The following SLC24A2 variants were observed in gnomAD, a reference collection of about 807,000 sequenced individuals.
SLC24A2 encodes solute carrier family 24 member 2.
A neutral mutation model predicts 62.0 loss-of-function variants in SLC24A2; 36 were observed. The observed-to-expected ratio is 0.58, with a 90% CI of 0.44 to 0.77. SLC24A2 has a LOEUF of 0.77. Ranked by LOEUF, SLC24A2 falls within the 30% of genes least tolerant of loss-of-function variation. The pLI is 0.00. For missense variants in SLC24A2, 846 were observed against 817.9 expected (o/e 1.03, Z -0.42); for synonymous variants, 358 against 294.0 (o/e 1.22, Z -2.23).
chr9:20,089,077 T>G, the SLC24A2 span, among the ~76,000 whole-genome samples: 1 of 152,070 alleles, frequency 6.6e-6, no homozygotes, highest in African/African-American at 2.4e-5. Flanking sequence ...ATTGAGCTAG[T>G]AGCAGCTCTG....
At chr9:20,161,199 AG>A in the SLC24A2 span, among the ~76,000 whole-genome samples, 1 of 151,476 alleles carries the variant, frequency 6.6e-6, no homozygotes, top group African/African-American at 2.4e-5. Flanking sequence ...AAGAGACAAG[AG>A]GCTTTAAATG....
chr9:20,108,142 A>G, the SLC24A2 span, among the ~76,000 whole-genome samples: 1 of 152,254 alleles, frequency 6.6e-6, no homozygotes, highest in African/African-American at 2.4e-5. Context: ...ATCAAACCAC[A>G]ATGAGATACC....
chr9:19,898,524 C>T, the SLC24A2 span, among the ~76,000 whole-genome samples: 10 of 152,100 alleles, frequency 6.6e-5, no homozygotes, highest in East Asian at 3.9e-4. Flanking sequence ...GGGTGGATCA[C>T]GAGGTCAGGA....
At chr9:19,914,492 A>G in the SLC24A2 span, among the ~76,000 whole-genome samples, 2 of 152,104 alleles carry the variant, frequency 1.3e-5, no homozygotes, top group Non-Finnish European at 2.9e-5. Flanking sequence ...GAGTTTGCTC[A>G]TTTTTAATAA....
chr9:20,014,913 A>T, the SLC24A2 span, among the ~76,000 whole-genome samples: 1 of 152,238 alleles, frequency 6.6e-6, no homozygotes, highest in Non-Finnish European at 1.5e-5. Flanking sequence ...ATACGTAAGT[A>T]TGGTGATAGA....
chr9:20,062,165 G>GTT, the SLC24A2 span, among the ~76,000 whole-genome samples: 2 of 152,124 alleles, frequency 1.3e-5, no homozygotes, highest in Non-Finnish European at 2.9e-5. Context: ...AAAGTCCAAG[G>GTT]TAGCAGTGAG....
the SLC24A2 span, chr9:19,957,522 T>C: frequency 5.9e-5 from 9 of 152,306 alleles, no homozygotes; most frequent in African/African-American, 1.9e-4. Context: ...TGAGCATAGG[T>C]CAGTTCCACT....
the SLC24A2 span, among the ~76,000 whole-genome samples, chr9:19,898,707 A>G: frequency 2.9e-5 from 4 of 140,020 alleles, no homozygotes; most frequent in African/African-American, 1.1e-4. Flanking sequence ...GTGCCACTGT[A>G]CTCCAGCCTG....
chr9:19,637,904 C>G (rs911240848), intron 2 of SLC24A2, among the ~76,000 whole-genome samples: 1 of 152,130 alleles, frequency 6.6e-6, no homozygotes, highest in African/African-American at 2.4e-5. Context: ...CCAGTGAAGT[C>G]CACCTGTATT....
intron 5 of SLC24A2, among the ~76,000 whole-genome samples, chr9:19,581,512 G>C (rs1458304363): frequency 1.3e-5 from 2 of 152,156 alleles, no homozygotes; most frequent in Non-Finnish European, 2.9e-5. Context: ...ACAGTCCTTG[G>C]AAGGTCCAAT....
chr9:19,775,005 G>T (rs1394913171), intron 2 of SLC24A2, among the ~76,000 whole-genome samples: 2 of 152,186 alleles, frequency 1.3e-5, no homozygotes, highest in African/African-American at 4.8e-5. Flanking sequence ...AAGAGAAGAC[G>T]CTTGGGGCAA....
At chr9:19,984,956 A>G in the SLC24A2 span, among the ~76,000 whole-genome samples, 171 of 152,254 alleles carry the variant, frequency 1.1e-3, 4 homozygotes, top group East Asian at 0.031. Flanking sequence ...CTGCTCTAAA[A>G]AATAAGTATA....
the SLC24A2 span, among the ~76,000 whole-genome samples, chr9:19,838,843 G>A: frequency 6.7e-6 from 1 of 149,784 alleles, no homozygotes; most frequent in Non-Finnish European, 1.5e-5. Flanking sequence ...AGGACTTCAT[G>A]TCTAAAACAC....
the SLC24A2 span, among the ~76,000 whole-genome samples, chr9:19,833,507 A>C: frequency 1.3e-5 from 2 of 152,188 alleles, no homozygotes; most frequent in African/African-American, 4.8e-5. Flanking sequence ...ATCAAACTGC[A>C]AGGTGGCAGC....
chr9:20,266,626 G>T, the SLC24A2 span, among the ~76,000 whole-genome samples: 2 of 151,930 alleles, frequency 1.3e-5, no homozygotes, highest in Non-Finnish European at 2.9e-5. Context: ...ATAAACAATG[G>T]CATCCCAAAA....
the SLC24A2 span, among the ~76,000 whole-genome samples, chr9:19,848,843 T>C: frequency 7.2e-5 from 11 of 152,336 alleles, no homozygotes; most frequent in East Asian, 2.1e-3. Context: ...GACCTGAGCA[T>C]TTATTAAATA....
the SLC24A2 span, among the ~76,000 whole-genome samples, chr9:20,021,374 CACATACATGTATATAATCAT>C: frequency 2.0e-5 from 3 of 151,670 alleles, no homozygotes; most frequent in Admixed American, 6.6e-5. Flanking sequence ...TATATATACA[CACATACATGTATATAATCAT>C]ACATACATGT....
chr9:19,736,348 A>C (rs1217924280), intron 2 of SLC24A2, among the ~76,000 whole-genome samples: 3 of 152,222 alleles, frequency 2.0e-5, no homozygotes, highest in Non-Finnish European at 2.9e-5. Context: ...AATTGATTAA[A>C]TCTAATTAAC....
the SLC24A2 span, among the ~76,000 whole-genome samples, chr9:19,799,292 C>T: frequency 3.3e-5 from 5 of 152,056 alleles, no homozygotes; most frequent in African/African-American, 1.2e-4. Context: ...AGAGAAAATA[C>T]TTTGCTGAAG....
Sources: gnomAD v4.1 joint callset for allele counts (sites outside exome capture counted in the v4.1 genomes callset) on GRCh38, gnomAD v4.1.1 for gene constraint, MANE v1.5 for transcripts, NCBI Gene and HGNC (gene_info 2026-07-23, HGNC 2026-07-21) for gene names.